The following PPFIBP2 variants were observed in gnomAD, a reference collection of about 807,000 sequenced individuals.
PPFIBP2 encodes PPFIB scaffold protein 2.
In PPFIBP2, 118 loss-of-function variants were observed where a neutral mutation model predicts 118.3. The ratio of observed to expected loss-of-function variants is 1.00; its 90% confidence interval spans 0.86 to 1.16. PPFIBP2 has a LOEUF of 1.16. Among genes scored for constraint, PPFIBP2 ranks in the 50% most tolerant of loss-of-function variants. PPFIBP2 has a pLI of 0.00. For synonymous variants in PPFIBP2, 414 were observed against 397.4 expected (o/e 1.04, Z -0.50); for missense variants, 1,195 against 1,073.1 (o/e 1.11, Z -1.59).
At chr11:7,641,776 G>T (rs1852234167) in intron 16 of PPFIBP2, 156 bp downstream of exon 16, 3 of 798,770 alleles carry the variant, frequency 3.8e-6, no homozygotes, top group South Asian at 3.7e-5. Context: ...ATTTTCCAGG[G>T]CCAAGAGAAG....
At position 7,616,087 on chromosome 11, in the gene PPFIBP2, G is replaced by C. The variant is rs1057434396; in HGVS notation, c.619-4848G>C. Among the ~76,000 whole-genome samples, 1 of 152,110 alleles carries C rather than the reference G, an allele frequency of 6.6e-6. No individual in the cohort carries two copies. Among genetic ancestry groups the C allele is most frequent in the Admixed American group, 6.5e-5 (1 of 15,274 alleles). On this transcript the variant is annotated intron_variant, in intron 6 of 23. Transcript: ENST00000299492. This position sits in a 1 kb window ranked among gnomAD's most constrained non-coding sequence, Gnocchi z 5.2. Reference sequence around the variant, plus strand: ...CCTGCATGACCAGTGTCAGGAAGGGGACATCCGAAACTAAAGGACAATGCT... The same window carrying C: ...CCTGCATGACCAGTGTCAGGAAGGGCACATCCGAAACTAAAGGACAATGCT...
intron 8 of PPFIBP2, 46 bp from the exon 9 acceptor site, chr11:7,628,239 G>C (rs1167080451): frequency 6.5e-7 from 1 of 1,528,052 alleles, no homozygotes; most frequent in Non-Finnish European, 9.0e-7. Flanking sequence ...GCGGATAGCT[G>C]TCTGTATTTA....
chr11:7,544,505 C>T (rs910666995), intron 1 of PPFIBP2, among the ~76,000 whole-genome samples: 4 of 151,998 alleles, frequency 2.6e-5, no homozygotes, highest in East Asian at 3.9e-4. Flanking sequence ...TTCTACATCC[C>T]GGTTCACGCC....
Position 7,616,193 on chromosome 11 carries a change from A to T in PPFIBP2, c.619-4742A>T, listed in dbSNP as rs1590615719. On this transcript the variant is annotated intron_variant, in intron 6 of 23. Transcript: ENST00000299492. This position sits in a 1 kb window ranked among gnomAD's most constrained non-coding sequence, Gnocchi z 5.2. ...ACAGTTATGTTCTTAAAAAGAAAAA[A>T]TGGACTTGATTCCATGGATGCCTCT... Among the ~76,000 whole-genome samples, 1 of 152,196 alleles carries T rather than the reference A, an allele frequency of 6.6e-6. No individual in the cohort carries two copies. Among genetic ancestry groups the T allele is most frequent in the African/African-American group, 2.4e-5 (1 of 41,450 alleles).
chr11:7,550,866 C>T (rs1357905680), intron 2 of PPFIBP2, among the ~76,000 whole-genome samples: 1 of 152,162 alleles, frequency 6.6e-6, no homozygotes, highest in Non-Finnish European at 1.5e-5. Flanking sequence ...GCCTCCCAGC[C>T]TACATCCTTC....
chr11:7,666,619 G>A, the PPFIBP2 span: 2,497 of 1,167,482 alleles, frequency 2.1e-3, 69 homozygotes, highest in East Asian at 0.054. Context: ...TGACTACACC[G>A]GTCAGCATAC....
At chr11:7,529,537 T>C (rs530339689) in intron 1 of PPFIBP2, among the ~76,000 whole-genome samples, 1 of 152,216 alleles carries the variant, frequency 6.6e-6, no homozygotes, top group South Asian at 2.1e-4. Flanking sequence ...TCTCTAGAGT[T>C]ATTATGGGCT....
Position 7,649,625 on chromosome 11 carries a change from C to A in PPFIBP2, c.2092C>A (p.His698Asn), listed in dbSNP as rs769893784. Reference sequence around the variant, plus strand: ...GCTGCATGTCAACAAGTTCAACCCCCACTGCCTGCACCGGCGGCCAGCTGA... The same window carrying A: ...GCTGCATGTCAACAAGTTCAACCCCAACTGCCTGCACCGGCGGCCAGCTGA... ...HVLHVNKFNP[H>N]CLHRRPADES... Residue 698 changes from histidine to asparagine, a missense_variant, in exon 21 of 24, where the codon CAC becomes AAC. Coordinates refer to ENST00000299492, the MANE Select transcript of PPFIBP2 (RefSeq NM_003621.5). 6.2e-7 allele frequency: 1 copy of A among 1,614,252 alleles called. No homozygotes were observed. The highest frequency in any genetic ancestry group is 8.5e-7 in the Non-Finnish European group (1 of 1,180,052).
At chr11:7,626,159 T>C (rs1849980188) in intron 8 of PPFIBP2, among the ~76,000 whole-genome samples, 1 of 152,174 alleles carries the variant, frequency 6.6e-6, no homozygotes, top group Non-Finnish European at 1.5e-5. Flanking sequence ...TGCACAGAAG[T>C]TCTGTGCAGC....
At chr11:7,541,387 G>A (rs1028546481) in intron 1 of PPFIBP2, among the ~76,000 whole-genome samples, 3 of 152,216 alleles carry the variant, frequency 2.0e-5, no homozygotes, top group African/African-American at 7.2e-5. Flanking sequence ...GTGAGGCTGT[G>A]TGAGCAGATG....
chr11:7,662,749 A>G, the PPFIBP2 span, among the ~76,000 whole-genome samples: 4 of 151,116 alleles, frequency 2.6e-5, no homozygotes, highest in African/African-American at 7.3e-5. Context: ...GTGTTCTCCA[A>G]CTTGGTTCCA....
At chr11:7,665,285 T>G in the PPFIBP2 span, 21 of 1,199,458 alleles carry the variant, frequency 1.8e-5, no homozygotes, top group Non-Finnish European at 2.4e-5. Flanking sequence ...AAGGCACTTT[T>G]GAAAACATCC....
downstream of PPFIBP2, among the ~76,000 whole-genome samples, chr11:7,653,989 G>A (rs1337007330): frequency 1.3e-5 from 2 of 152,150 alleles, no homozygotes; most frequent in Admixed American, 6.5e-5. Context: ...CTGTGAAGCC[G>A]AGGGGGCTTC....
At chr11:7,619,359 C>T (rs1452387124) in intron 6 of PPFIBP2, among the ~76,000 whole-genome samples, 5 of 152,096 alleles carry the variant, frequency 3.3e-5, no homozygotes, top group Admixed American at 6.6e-5. Context: ...ATGTTGTCTG[C>T]GAAGACCTAA....
the PPFIBP2 span, among the ~76,000 whole-genome samples, chr11:7,664,376 C>G: frequency 6.6e-6 from 1 of 152,134 alleles, no homozygotes; most frequent in Non-Finnish European, 1.5e-5. Flanking sequence ...GTTTCCTGGC[C>G]TCTGTGCTGC....
intron 3 of PPFIBP2, among the ~76,000 whole-genome samples, chr11:7,589,664 T>G (rs1858886215): frequency 6.6e-6 from 1 of 152,034 alleles, no homozygotes; most frequent in Non-Finnish European, 1.5e-5. Flanking sequence ...AGAATTTGAT[T>G]GGACTTTCTT....
At chr11:7,607,060 AC>A (rs1401573871) in intron 5 of PPFIBP2, among the ~76,000 whole-genome samples, 5 of 149,076 alleles carry the variant, frequency 3.4e-5, no homozygotes, top group Non-Finnish European at 7.4e-5. Context: ...ACAGGTGCCC[AC>A]CACCACACCT....
chr11:7,536,220 C>A (rs189230673), intron 1 of PPFIBP2, among the ~76,000 whole-genome samples: 4 of 152,160 alleles, frequency 2.6e-5, no homozygotes, highest in Non-Finnish European at 5.9e-5. Flanking sequence ...GGGCTTTTAA[C>A]CCCACCCTAG....
chr11:7,533,478 C>T (rs1463356174), intron 1 of PPFIBP2, among the ~76,000 whole-genome samples: 1 of 152,198 alleles, frequency 6.6e-6, no homozygotes, highest in South Asian at 2.1e-4. Flanking sequence ...ATACTCCTTG[C>T]TCTCTAGCAG....
Sources: gnomAD v4.1 joint callset for allele counts (sites outside exome capture counted in the v4.1 genomes callset) on GRCh38, gnomAD v4.1.1 for gene constraint, Gnocchi (gnomAD v3.1) non-coding constraint, MANE v1.5 for transcripts, NCBI Gene and HGNC (gene_info 2026-07-23, HGNC 2026-07-21) for gene names.